TRMT2B: variants seen among roughly 807,000 people sequenced by gnomAD.
TRMT2B encodes the protein tRNA methyltransferase 2B, also known as tRNA (uracil-5-)-methyltransferase homolog B.
TRMT2B carries 34 observed loss-of-function variants against 39.7 expected under a neutral mutation model. The observed-to-expected ratio is 0.86, with a 90% CI of 0.65 to 1.14. TRMT2B has a LOEUF of 1.14. Among genes scored for constraint, TRMT2B ranks in the 50% most tolerant of loss-of-function variants. The probability of loss-of-function intolerance (pLI) is 0.00; values close to 1 mark genes in which losing one functional copy is unlikely to be tolerated. For missense variants in TRMT2B, 318 were observed against 377.2 expected (o/e 0.84, Z 1.30); for synonymous variants, 132 against 137.3 (o/e 0.96, Z 0.27).
In TRMT2B at chrX:101,051,307, C is replaced by G. The variant is rs2089077548; in HGVS notation, c.-80G>C. On this transcript the variant is annotated 5_prime_UTR_variant, in exon 2 of 14. Coordinates refer to ENST00000372936, the MANE Select transcript of TRMT2B (RefSeq NM_024917.6). Reference sequence around the variant, plus strand: ...AAATGTTCACCCACCGACAAGGGTCCTGCTTGCACTCTCTGCTCACCCTTC... The same window carrying G: ...AAATGTTCACCCACCGACAAGGGTCGTGCTTGCACTCTCTGCTCACCCTTC... 1 of 751,726 alleles carries G rather than the reference C, an allele frequency of 1.3e-6. No individual in the cohort carries two copies. The highest frequency in any genetic ancestry group is 1.6e-6 in the Non-Finnish European group (1 of 639,004). 62.0% of individuals were successfully genotyped at this position (751,726 alleles called of 1,213,427 possible). A position where few individuals can be genotyped will look rare whatever the true frequency, so the allele number is the denominator to read the frequency against.
At chrX:101,001,560 T>C in the TRMT2B span, among the ~76,000 whole-genome samples, 1 of 110,370 alleles carries the variant, frequency 9.1e-6, no homozygotes, top group Non-Finnish European at 1.9e-5. Flanking sequence ...TAAACACCAT[T>C]CTACACTGAA....
At chrX:101,001,965 T>C in the TRMT2B span, among the ~76,000 whole-genome samples, 1 of 111,183 alleles carries the variant, frequency 9.0e-6, no homozygotes. Context: ...TGGTGTTTTT[T>C]TGTTTGTTTG....
At chrX:101,011,409 T>A (rs1404761139) in intron 13 of TRMT2B, among the ~76,000 whole-genome samples, 2 of 111,274 alleles carry the variant, frequency 1.8e-5, no homozygotes, top group Non-Finnish European at 3.8e-5. Context: ...CTGGACAGCA[T>A]AGTGAGACCC....
At chrX:100,993,426 T>G in the TRMT2B span, among the ~76,000 whole-genome samples, 1 of 112,139 alleles carries the variant, frequency 8.9e-6, no homozygotes, top group African/African-American at 3.2e-5. Flanking sequence ...AAGAGTTTTA[T>G]GAGGCAGGAG....
intron 11 of TRMT2B, 71 bp downstream of exon 11, chrX:101,020,416 C>G (rs1187284936): frequency 2.1e-6 from 2 of 937,009 alleles, no homozygotes; most frequent in African/African-American, 3.9e-5. Context: ...TTGCCTTTTC[C>G]CACACAACTC....
At position 101,036,961 on chromosome X, in the gene TRMT2B, AC is replaced by A; in HGVS notation, c.538+12del. 1 of 1,180,348 alleles carries A rather than the reference AC, an allele frequency of 8.5e-7. No homozygotes were observed. Among genetic ancestry groups the A allele is most frequent in the Non-Finnish European group, 1.2e-6 (1 of 867,109 alleles). On this transcript the variant is annotated intron_variant, in intron 6 of 13. Transcript: ENST00000372936. ...TCCTCTTCAGTCTTTGGTTTATACA[AC>A]CTTCAACTGACCTCTCCAAGTTCCC...
chrX:100,990,495 A>G, the TRMT2B span: 3 of 1,055,725 alleles, frequency 2.8e-6, no homozygotes, highest in Non-Finnish European at 2.4e-6. Context: ...CACTCCCCAT[A>G]CAACTCCACC....
At chrX:101,001,470 A>C in the TRMT2B span, among the ~76,000 whole-genome samples, 5 of 110,380 alleles carry the variant, frequency 4.5e-5, no homozygotes, top group Non-Finnish European at 7.6e-5. Context: ...TCCTGGATGC[A>C]AACAGTCCTC....
chrX:101,045,675 G>A (rs1300823418), intron 2 of TRMT2B, among the ~76,000 whole-genome samples: 2 of 108,404 alleles, frequency 1.8e-5, no homozygotes, highest in African/African-American at 6.7e-5. Flanking sequence ...GTGGGCACCT[G>A]TAATCCCAGC....
At chrX:101,032,028 A>T (rs1308885636) in intron 7 of TRMT2B, among the ~76,000 whole-genome samples, 1 of 111,073 alleles carries the variant, frequency 9.0e-6, no homozygotes, top group Non-Finnish European at 1.9e-5. Flanking sequence ...GGGGGTGCCT[A>T]TAATCCCAGC....
rs946721313 is a variant in TRMT2B, at chrX:101,041,993, G to A, written c.248+49C>T. 5.1e-6 allele frequency: 6 copies of A among 1,183,706 alleles called. No homozygotes were observed. The African/African-American group carries it at 5.2e-5, about 10-fold the overall frequency. ...CTAGGAATACAGAATTTCAGCAGAT[G>A]TACAGATTGAGACCTGCTAAGGAGA... On this transcript the variant is annotated intron_variant, in intron 3 of 13. Coordinates refer to ENST00000372936, the MANE Select transcript of TRMT2B (RefSeq NM_024917.6).
intron 13 of TRMT2B, among the ~76,000 whole-genome samples, chrX:101,015,072 T>A (rs1386236838): frequency 8.9e-6 from 1 of 112,072 alleles, no homozygotes; most frequent in Non-Finnish European, 1.9e-5. Context: ...TCTCTTATTA[T>A]CAGAACATAG....
At chrX:100,975,187 C>A in the TRMT2B span, among the ~76,000 whole-genome samples, 2 of 112,092 alleles carry the variant, frequency 1.8e-5, no homozygotes, top group Non-Finnish European at 3.8e-5. Flanking sequence ...AGTCCTCCTC[C>A]AACTTCATTT....
At chrX:101,004,130 G>A in the TRMT2B span, among the ~76,000 whole-genome samples, 1 of 111,361 alleles carries the variant, frequency 9.0e-6, no homozygotes, top group Non-Finnish European at 1.9e-5. Context: ...GCCTCCAAAA[G>A]TAGCTGGAAC....
At chrX:100,980,537 A>G in the TRMT2B span, among the ~76,000 whole-genome samples, 2 of 108,722 alleles carry the variant, frequency 1.8e-5, no homozygotes, top group Non-Finnish European at 3.8e-5. Context: ...CCAGGAGCTA[A>G]GGCCTGGAAT....
chrX:101,041,634 C>T (rs1274610855), intron 3 of TRMT2B, among the ~76,000 whole-genome samples: 1 of 111,759 alleles, frequency 8.9e-6, no homozygotes, highest in East Asian at 2.8e-4. Flanking sequence ...AGCTTACCTT[C>T]CTAATGCTTT....
intron 2 of TRMT2B, among the ~76,000 whole-genome samples, chrX:101,049,043 T>C (rs1412575699): frequency 8.9e-6 from 1 of 111,846 alleles, no homozygotes; most frequent in Non-Finnish European, 1.9e-5. Context: ...GATGTAACAA[T>C]GCATGCAAGT....
At chrX:101,004,478 C>T (rs1261594373), downstream of TRMT2B, among the ~76,000 whole-genome samples, 4 of 108,588 alleles carry the variant, frequency 3.7e-5, 1 homozygote, top group Middle Eastern at 0.019. Flanking sequence ...GTATTCTTGT[C>T]AAAAATGTGT....
At chrX:101,017,042 C>T (rs1037762897) in intron 13 of TRMT2B, among the ~76,000 whole-genome samples, 4 of 109,224 alleles carry the variant, frequency 3.7e-5, no homozygotes, top group African/African-American at 6.7e-5. Flanking sequence ...GCATGTGGCA[C>T]GTGCCTGTAA....
Sources: allele counts gnomAD v4.1 joint callset (sites outside exome capture counted in the v4.1 genomes callset), GRCh38; gene constraint gnomAD v4.1.1; transcripts MANE v1.5; gene names NCBI Gene and HGNC (gene_info 2026-07-23, HGNC 2026-07-21).